ADCY2: variants seen among roughly 807,000 people sequenced by gnomAD.
ADCY2 encodes adenylate cyclase 2, also known as adenylate cyclase type 2.
A neutral mutation model predicts 125.2 loss-of-function variants in ADCY2; 31 were observed. The observed-to-expected ratio is 0.25, with a 90% confidence interval of 0.19 to 0.33. The LOEUF is 0.33. ADCY2 is among the 10% of genes least tolerant of loss of function. The pLI, the probability that ADCY2 is intolerant of heterozygous loss-of-function variation, is 1.00. For missense variants in ADCY2, 904 were observed against 1,418.2 expected, an observed-to-expected ratio of 0.64 and a Z score of 5.82; for synonymous variants, 512 against 548.4, an observed-to-expected ratio of 0.93 and a Z score of 0.93.
chr5:7,435,319 A>G (rs1452704991), intron 2 of ADCY2, among the ~76,000 whole-genome samples: 1 of 152,210 alleles, frequency 6.6e-6, no homozygotes, highest in Non-Finnish European at 1.5e-5. Flanking sequence ...CCATTTGTGG[A>G]AAACCTGGGC....
intron 22 of ADCY2, among the ~76,000 whole-genome samples, chr5:7,811,230 C>A (rs1182689737): frequency 2.6e-5 from 4 of 152,164 alleles, no homozygotes; most frequent in Non-Finnish European, 5.9e-5. Flanking sequence ...GGGCCGGGCG[C>A]AGTGGCTCAC....
At chr5:7,493,065 C>T (rs1238846107) in intron 2 of ADCY2, among the ~76,000 whole-genome samples, 1 of 152,092 alleles carries the variant, frequency 6.6e-6, no homozygotes, top group Non-Finnish European at 1.5e-5. Flanking sequence ...TCCTCAGTGT[C>T]TCAGGGCAGT....
At chr5:7,746,935 G>T (rs1222917208) in intron 15 of ADCY2, among the ~76,000 whole-genome samples, 1 of 151,582 alleles carries the variant, frequency 6.6e-6, no homozygotes, top group Non-Finnish European at 1.5e-5. Context: ...TTTACAACTG[G>T]CCTTGATAAA....
chr5:7,397,445 GTTT>G (rs767411861), intron 1 of ADCY2, among the ~76,000 whole-genome samples: 4 of 70,104 alleles, frequency 5.7e-5, no homozygotes, highest in East Asian at 6.4e-4. Flanking sequence ...CCACCAGTGA[GTTT>G]TTTTTTTTTT....
At chr5:7,506,789 C>CTTTTTTTTTTTTT (rs70940743) in intron 2 of ADCY2, among the ~76,000 whole-genome samples, 1 of 55,020 alleles carries the variant, frequency 1.8e-5, no homozygotes, top group Non-Finnish European at 3.3e-5. Context: ...ATGCGTTGCT[C>CTTTTTTTTTTTTT]TTTTTTTTTT....
chr5:7,709,075 G>A lies in ADCY2; in HGVS notation c.1402-136G>A, dbSNP rs1479684680. ...AGTGTGTTCCCCAGTAACACTGAAG[G>A]AATAAGGACAGAAAACACAGAGGGC... On this transcript the variant is annotated intron_variant, in intron 9 of 24. Transcript: ENST00000338316. This position sits in a 1 kb window ranked among gnomAD's most constrained non-coding sequence, Gnocchi z 4.4. 2 of 815,320 alleles carry A rather than the reference G, an allele frequency of 2.5e-6. No individual in the cohort carries two copies. The highest frequency in any genetic ancestry group is 1.7e-6 in the Non-Finnish European group (1 of 580,496). The allele number at this position is 815,320 out of a possible 1,614,324, so 50.5% of individuals were successfully genotyped here.
chr5:7,668,521 G>C (rs1164196652), intron 4 of ADCY2, among the ~76,000 whole-genome samples: 1 of 152,192 alleles, frequency 6.6e-6, no homozygotes, highest in Non-Finnish European at 1.5e-5. Flanking sequence ...GTACTTCAGA[G>C]ATCACTAGAA....
chr5:7,735,885 A>C (rs1742234834), intron 14 of ADCY2, among the ~76,000 whole-genome samples: 1 of 152,204 alleles, frequency 6.6e-6, no homozygotes, highest in Non-Finnish European at 1.5e-5. Flanking sequence ...GTTTGTAAAA[A>C]ATGGATATTA....
chr5:7,602,986 C>T (rs1014089634), intron 3 of ADCY2, among the ~76,000 whole-genome samples: 22 of 152,172 alleles, frequency 1.4e-4, no homozygotes, highest in African/African-American at 5.3e-4. Flanking sequence ...AATCAGGACT[C>T]ATGTCTGGAG....
At chr5:7,769,521 G>A (rs1366517546) in intron 17 of ADCY2, among the ~76,000 whole-genome samples, 1 of 152,118 alleles carries the variant, frequency 6.6e-6, no homozygotes, top group African/African-American at 2.4e-5. Context: ...TGGCTAAAGT[G>A]GATGTTGGGG....
chr5:7,516,996 A>G (rs77065545), intron 2 of ADCY2, among the ~76,000 whole-genome samples: 13,264 of 152,088 alleles, frequency 0.087, 665 homozygotes, highest in South Asian at 0.12. Flanking sequence ...GTTTTTGGAG[A>G]CAGAGGCATT....
chr5:7,781,915 C>T (rs1743933512), intron 18 of ADCY2, among the ~76,000 whole-genome samples: 1 of 152,186 alleles, frequency 6.6e-6, no homozygotes, highest in Admixed American at 6.5e-5. Context: ...GCCCTAACAG[C>T]ATCTATCCAC....
Position 7,706,745 on chromosome 5 carries a change from A to G in ADCY2, c.1111A>G (p.Lys371Glu). Reference sequence around the variant, plus strand: ...TGATCTTACTTCCCTTCTCTTTAGGAAAGTGAGGGATGCTACTGGAGTTGA... The same window carrying G: ...TGATCTTACTTCCCTTCTCTTTAGGGAAGTGAGGGATGCTACTGGAGTTGA... ...MGLDMCEAIK[K>E]VRDATGVDIN... The change falls in exon 8 of 25, where the codon AAA (lysine) becomes GAA (glutamate). Residue 371 changes from lysine to glutamate, a missense_variant and splice_region_variant. By Grantham distance (56) the Lys-to-Glu change is moderately conservative. Around this residue, in one of 7 missense-constraint regions of ADCY2, gnomAD observed 117 missense variants for 248.0 expected, o/e 0.47. Coordinates refer to ENST00000338316, the MANE Select transcript of ADCY2 (RefSeq NM_020546.3). 1.2e-6 allele frequency: 2 copies of G among 1,614,092 alleles called. No homozygotes were observed. The highest frequency in any genetic ancestry group is 1.7e-6 in the Non-Finnish European group (2 of 1,179,958).
intron 1 of ADCY2, among the ~76,000 whole-genome samples, chr5:7,398,743 G>A (rs1268380740): frequency 6.6e-6 from 1 of 152,242 alleles, no homozygotes; most frequent in African/African-American, 2.4e-5. Flanking sequence ...GCAGAGACCA[G>A]CTGCAGGACC....
chr5:7,782,829 A>C (rs1743959582), intron 18 of ADCY2, among the ~76,000 whole-genome samples: 2 of 152,258 alleles, frequency 1.3e-5, no homozygotes, highest in African/African-American at 4.8e-5. Context: ...ATCTGCACCC[A>C]TCGGTCACTT....
intron 2 of ADCY2, among the ~76,000 whole-genome samples, chr5:7,495,661 T>A (rs1438693194): frequency 2.6e-5 from 4 of 152,230 alleles, no homozygotes; most frequent in African/African-American, 9.6e-5. Context: ...TTATTTCCAA[T>A]GCAGTTGGTC....
At chr5:7,657,694 C>T (rs1266402285) in intron 4 of ADCY2, among the ~76,000 whole-genome samples, 1 of 152,206 alleles carries the variant, frequency 6.6e-6, no homozygotes, top group Non-Finnish European at 1.5e-5. Context: ...GGGTTAATCA[C>T]CTAAGTTCGC....
chr5:7,689,537 C>T (rs1045058161), intron 4 of ADCY2, among the ~76,000 whole-genome samples: 2 of 152,050 alleles, frequency 1.3e-5, no homozygotes, highest in Admixed American at 6.6e-5. Flanking sequence ...GAGGGATGAG[C>T]GGGGAGAAAG....
At position 7,709,217 on chromosome 5, in the gene ADCY2, C is replaced by T; in HGVS notation, c.1408C>T (p.Arg470Ter). The change falls in exon 10 of 25, where the codon CGA (arginine) becomes TGA (stop). Residue 470 changes from arginine to a stop codon, truncating the protein, a stop_gained. Transcript: ENST00000338316. LOFTEE classifies it high-confidence loss of function. The surrounding 1 kb of genome is among the most constrained non-coding windows in gnomAD (Gnocchi z 4.4). ...TYFVINPKGE[R>*]RSPQHLFRPR... is the part of the protein sequence containing the mutation. Reference sequence around the variant, plus strand: ...CTTTGTTTCTCACCCCAAGGGAGAACGACGGAGCCCCCAGCATCTCTTCAG... The same window carrying T: ...CTTTGTTTCTCACCCCAAGGGAGAATGACGGAGCCCCCAGCATCTCTTCAG... 1.2e-6 allele frequency: 2 copies of T among 1,607,894 alleles called. No homozygotes were observed. The highest frequency in any genetic ancestry group is 1.7e-6 in the Non-Finnish European group (2 of 1,177,144).
Sources: gnomAD v4.1 joint callset for allele counts (sites outside exome capture counted in the v4.1 genomes callset) on GRCh38, gnomAD v4.1.1 for gene constraint, gnomAD v4.1.1 regional missense constraint, Gnocchi (gnomAD v3.1) non-coding constraint, MANE v1.5 for transcripts, NCBI Gene and HGNC (gene_info 2026-07-23, HGNC 2026-07-21) for gene names.